Variants in CTBP2 observed in about 807,000 individuals in gnomAD.
CTBP2 encodes C-terminal-binding protein 2.
In CTBP2, 30 loss-of-function variants were observed where a neutral mutation model predicts 80.3. That is an observed-to-expected ratio of 0.37 (90% CI 0.28 to 0.51). The LOEUF (loss-of-function observed/expected upper bound fraction) is 0.51, where lower values mean the gene tolerates loss of function less well. CTBP2 is among the 20% of genes least tolerant of loss of function. The pLI, the probability that CTBP2 is intolerant of heterozygous loss-of-function variation, is 0.93. For synonymous variants in CTBP2, 594 were observed against 587.4 expected, an observed-to-expected ratio of 1.01 and a Z score of -0.16; for missense variants, 1,212 against 1,375.3, an observed-to-expected ratio of 0.88 and a Z score of 1.88.
At chr10:125,049,747 T>A (rs1299597397) in intron 2 of CTBP2, among the ~76,000 whole-genome samples, 1 of 151,938 alleles carries the variant, frequency 6.6e-6, no homozygotes, top group Admixed American at 6.6e-5. Flanking sequence ...GGAGAGATTA[T>A]CTCAAAAACA....
rs2134006499 is a variant in CTBP2, at chr10:124,984,736, T to C, written c.*4782A>G. On this transcript the variant is annotated 3_prime_UTR_variant, in exon 9 of 9. Coordinates refer to ENST00000309035, the MANE Select transcript of CTBP2 (RefSeq NM_022802.3). ...CATTCCTACCAAGTCTCTGATCTGTTGTATGATTTTCCCTTTGTCTTCATA... is the reference window on the plus strand; with the variant it reads ...CATTCCTACCAAGTCTCTGATCTGTCGTATGATTTTCCCTTTGTCTTCATA... 1 of 1,596,758 alleles carries C rather than the reference T, an allele frequency of 6.3e-7. No homozygotes were observed. Among genetic ancestry groups the C allele is most frequent in the Non-Finnish European group, 8.6e-7 (1 of 1,168,954 alleles).
chr10:125,087,786 GC>G (rs1564888675), intron 2 of CTBP2, among the ~76,000 whole-genome samples: 36 of 152,334 alleles, frequency 2.4e-4, no homozygotes, highest in African/African-American at 8.4e-4. Flanking sequence ...GCAGCTCACA[GC>G]ATGTACATGC....
intron 1 of CTBP2, among the ~76,000 whole-genome samples, chr10:125,023,966 C>T (rs1005022546): frequency 1.6e-4 from 25 of 152,280 alleles, no homozygotes; most frequent in Admixed American, 1.5e-3. Context: ...GGCACCAGAA[C>T]GAAGATGCGT....
chr10:125,039,961 C>T (rs1318296398), intron 2 of CTBP2, among the ~76,000 whole-genome samples: 2 of 152,142 alleles, frequency 1.3e-5, no homozygotes, highest in Admixed American at 6.5e-5. Context: ...ATGTGGGATT[C>T]TCTAGAGGGA....
At chr10:125,114,498 A>G (rs537818739) in intron 1 of CTBP2, among the ~76,000 whole-genome samples, 3 of 152,232 alleles carry the variant, frequency 2.0e-5, no homozygotes, top group Non-Finnish European at 4.4e-5. Context: ...CTGAGGCTGC[A>G]GTACCTAGAC....
intron 1 of CTBP2, among the ~76,000 whole-genome samples, chr10:125,134,710 G>A (rs1176200786): frequency 1.3e-5 from 2 of 152,120 alleles, no homozygotes; most frequent in Admixed American, 6.5e-5. Flanking sequence ...AGGGTGAAGC[G>A]CCCAGCACCC....
chr10:125,055,668 A>AG (rs1488922132), intron 2 of CTBP2, among the ~76,000 whole-genome samples: 15 of 152,306 alleles, frequency 9.8e-5, no homozygotes, highest in Middle Eastern at 6.8e-3. Flanking sequence ...CCACACTCCA[A>AG]GGGAGAGCTC....
At chr10:125,158,004 C>A (rs1166662095) in intron 1 of CTBP2, among the ~76,000 whole-genome samples, 2 of 152,158 alleles carry the variant, frequency 1.3e-5, no homozygotes, top group Admixed American at 6.5e-5. Context: ...GAAAAAAATT[C>A]TGTTTCAACA....
chr10:125,024,579 T>A (rs973156764), intron 1 of CTBP2, among the ~76,000 whole-genome samples: 1 of 152,224 alleles, frequency 6.6e-6, no homozygotes, highest in African/African-American at 2.4e-5. Context: ...GGCAAAACCT[T>A]TCCACGACTT....
intron 1 of CTBP2, among the ~76,000 whole-genome samples, chr10:125,156,158 A>G (rs1282883380): frequency 6.6e-6 from 1 of 152,206 alleles, no homozygotes; most frequent in African/African-American, 2.4e-5. Context: ...AAGTGGAAAT[A>G]TTACCTGAGC....
intron 1 of CTBP2, among the ~76,000 whole-genome samples, chr10:125,156,055 A>G (rs1343842472): frequency 6.6e-6 from 1 of 152,166 alleles, no homozygotes; most frequent in Non-Finnish European, 1.5e-5. Context: ...TTAAGTACAA[A>G]TACTTCTTTT....
intron 1 of CTBP2, among the ~76,000 whole-genome samples, chr10:125,019,283 G>A (rs760773964): frequency 1.5e-4 from 23 of 152,114 alleles, no homozygotes; most frequent in Admixed American, 5.2e-4. Flanking sequence ...CATCGCTAAC[G>A]TGGGCTAATT....
Position 125,050,853 on chromosome 10 carries a change from T to C in CTBP2, c.-101-11698A>G, listed in dbSNP as rs574946574. Among the ~76,000 whole-genome samples the C allele has an allele frequency of 7.7e-4, 118 of 152,332 alleles. 1 individual carries two copies. Among genetic ancestry groups the C allele is most frequent in the Non-Finnish European group, 1.4e-3 (93 of 68,034 alleles). ...GGGGAGGAGTAGACAAGGCTCCTGA[T>C]GAGAATCTTCTAGAGAACTGCAACC... On this transcript the variant is annotated intron_variant, in intron 2 of 10. Transcript: ENST00000337195.
chr10:125,153,997 G>A (rs1214995440), intron 1 of CTBP2, among the ~76,000 whole-genome samples: 3 of 152,304 alleles, frequency 2.0e-5, no homozygotes, highest in Admixed American at 6.5e-5. Context: ...GGCCCTTCCA[G>A]GCTTCTGCCA....
At chr10:125,123,919 A>G (rs1854768088) in intron 1 of CTBP2, among the ~76,000 whole-genome samples, 1 of 152,264 alleles carries the variant, frequency 6.6e-6, no homozygotes, top group Non-Finnish European at 1.5e-5. Flanking sequence ...AGACCAGCAG[A>G]GAAAACCAGC....
At chr10:125,075,858 T>C (rs1846200386) in intron 2 of CTBP2, among the ~76,000 whole-genome samples, 1 of 152,226 alleles carries the variant, frequency 6.6e-6, no homozygotes, top group South Asian at 2.1e-4. Flanking sequence ...ACAACTCTTC[T>C]AGAAAACCAC....
At chr10:125,028,242 C>T (rs963147491), upstream of CTBP2, among the ~76,000 whole-genome samples, 1 of 152,232 alleles carries the variant, frequency 6.6e-6, no homozygotes, top group East Asian at 1.9e-4. Context: ...TATACTCCCT[C>T]TTCCAAGCAC....
At chr10:125,005,071 T>G (rs1955051190) in intron 1 of CTBP2, among the ~76,000 whole-genome samples, 1 of 152,100 alleles carries the variant, frequency 6.6e-6, no homozygotes, top group South Asian at 2.1e-4. Context: ...GAAATCCCCC[T>G]CCACTGGGGC....
chr10:125,077,989 A>G (rs1473201699), intron 2 of CTBP2, among the ~76,000 whole-genome samples: 1 of 152,042 alleles, frequency 6.6e-6, no homozygotes. Context: ...TCCCATAAGA[A>G]CCTTTCTCAG....
Sources: allele counts gnomAD v4.1 joint callset (sites outside exome capture counted in the v4.1 genomes callset), GRCh38; gene constraint gnomAD v4.1.1; transcripts MANE v1.5; gene names NCBI Gene and HGNC (gene_info 2026-07-23, HGNC 2026-07-21).